The following LRRC51 variants were observed in gnomAD, a reference collection of about 807,000 sequenced individuals.
LRRC51 encodes leucine rich repeat containing 51, also known as leucine-rich repeat-containing protein 51.
In LRRC51, 8 loss-of-function variants were observed where a neutral mutation model predicts 17.8. The observed-to-expected ratio is 0.45, with a 90% CI of 0.26 to 0.81. LRRC51 has a LOEUF of 0.81. LRRC51 is among the 30% of genes least tolerant of loss of function. The pLI, the probability that LRRC51 is intolerant of heterozygous loss-of-function variation, is 0.17. For synonymous variants in LRRC51, 92 were observed against 96.0 expected (o/e 0.96, Z 0.24); for missense variants, 233 against 239.3 (o/e 0.97, Z 0.17).
In LRRC51 at chr11:72,096,609, G is replaced by A. The variant is rs182962277; in HGVS notation, c.*1089G>A. The A allele has an allele frequency of 1.2e-5, 18 of 1,482,104 alleles. No homozygotes were observed. Among genetic ancestry groups the A allele is most frequent in the African/African-American group, 1.4e-5 (1 of 70,398 alleles). The allele number at this position is 1,482,104 out of a possible 1,614,324, so 91.8% of individuals were successfully genotyped here. ...CCTGCTGGCCTGGGACACTGGAGACGTGGGTTTACCACACAGCCTTGGGAA... is the reference window on the plus strand; with the variant it reads ...CCTGCTGGCCTGGGACACTGGAGACATGGGTTTACCACACAGCCTTGGGAA... On this transcript the variant is annotated 3_prime_UTR_variant, in exon 6 of 6. Transcript: ENST00000289488.
intron 3 of LRRC51, among the ~76,000 whole-genome samples, chr11:72,090,750 C>G (rs1002942980): frequency 3.0e-4 from 46 of 152,204 alleles, no homozygotes; most frequent in Non-Finnish European, 2.5e-4. Flanking sequence ...CCCAGTTCCT[C>G]TAACTTTTCA....
intron 1 of LRRC51, chr11:72,086,282 T>C (rs1218167667): frequency 6.5e-6 from 4 of 617,562 alleles, no homozygotes; most frequent in Non-Finnish European, 1.2e-5. Flanking sequence ...CCACAATCAA[T>C]AGAAACTCAG....
intron 4 of LRRC51, 129 bp downstream of exon 4, chr11:72,093,830 T>C: frequency 2.2e-6 from 2 of 915,032 alleles, no homozygotes; most frequent in Non-Finnish European, 3.6e-6. Flanking sequence ...AGCACAAGGC[T>C]AGGGGGCCAG....
At chr11:72,094,583 T>C (rs1387676543) in intron 4 of LRRC51, 1 of 628,622 alleles carries the variant, frequency 1.6e-6, no homozygotes, top group East Asian at 2.7e-5. Context: ...TTTTAAAAGC[T>C]TCTTATGTGC....
intron 3 of LRRC51, among the ~76,000 whole-genome samples, chr11:72,090,144 G>T (rs1050977863): frequency 2.0e-5 from 3 of 152,190 alleles, no homozygotes; most frequent in Non-Finnish European, 4.4e-5. Context: ...ACTCACGTTT[G>T]TTCTCTCACG....
chr11:72,095,124 T>C, intron 5 of LRRC51, 28 bp downstream of exon 5: 1 of 1,610,664 alleles, frequency 6.2e-7, no homozygotes, highest in Non-Finnish European at 8.5e-7. Flanking sequence ...GGAGGTAGCG[T>C]CTAGCTGGGC....
Position 72,095,742 on chromosome 11 carries a change from G to T in LRRC51, c.*222G>T. 5.9e-6 allele frequency: 7 copies of T among 1,191,624 alleles called. No individual in the cohort carries two copies. Among genetic ancestry groups the T allele is most frequent in the Non-Finnish European group, 5.5e-6 (5 of 902,694 alleles). The allele number at this position is 1,191,624 out of a possible 1,614,324, so 73.8% of individuals were successfully genotyped here. A position where few individuals can be genotyped will look rare whatever the true frequency, so the allele number is the denominator to read the frequency against. Reference sequence around the variant, plus strand: ...GGCTGGAGTGCAGTGGCACGATCTTGGCTCACTGCAACCTCAGCCTCCCAG... The same window carrying T: ...GGCTGGAGTGCAGTGGCACGATCTTTGCTCACTGCAACCTCAGCCTCCCAG... On this transcript the variant is annotated 3_prime_UTR_variant, in exon 6 of 6. Coordinates refer to ENST00000289488, the MANE Select transcript of LRRC51 (RefSeq NM_145309.6).
At chr11:72,083,693 A>C (rs1011102908) in intron 1 of LRRC51, 1 of 152,190 alleles carries the variant, frequency 6.6e-6, no homozygotes, top group African/African-American at 2.4e-5. Flanking sequence ...TTGAGGATAA[A>C]GGTAGACTTC....
intron 1 of LRRC51, chr11:72,086,341 T>G: frequency 1.4e-6 from 1 of 694,338 alleles, no homozygotes; most frequent in South Asian, 1.5e-5. Context: ...TATCTTGGCT[T>G]CATTTCTTCT....
chr11:72,091,742 C>CT (rs1944875010), intron 3 of LRRC51, among the ~76,000 whole-genome samples: 6 of 152,182 alleles, frequency 3.9e-5, no homozygotes. Context: ...ATGCTAACTG[C>CT]TTATATCCAT....
At position 72,095,692 on chromosome 11, in the gene LRRC51, A is replaced by G. The variant is rs1164424135; in HGVS notation, c.*172A>G. On this transcript the variant is annotated 3_prime_UTR_variant, in exon 6 of 6. Transcript: ENST00000289488. ...TTTTCTTTTCTTTTTTTTTTTTTTG[A>G]GACGGAGTCTCACTCTGTCACACAG... The G allele has an allele frequency of 3.8e-6, 5 of 1,299,824 alleles. No homozygotes were observed. Among genetic ancestry groups the G allele is most frequent in the Admixed American group, 2.6e-5 (1 of 38,920 alleles). 80.5% of individuals were successfully genotyped at this position (1,299,824 alleles called of 1,614,324 possible).
intron 1 of LRRC51, chr11:72,086,375 CTCA>C (rs775259381): frequency 9.3e-5 from 65 of 701,234 alleles, no homozygotes; most frequent in Admixed American, 1.4e-4. Context: ...GCAGCAAGCA[CTCA>C]ACAAATGTTT....
Position 72,095,651 on chromosome 11 carries a change from G to A in LRRC51, c.*131G>A. The A allele has an allele frequency of 1.3e-6, 2 of 1,538,992 alleles. No homozygotes were observed. The highest frequency in any genetic ancestry group is 1.8e-6 in the Non-Finnish European group (2 of 1,141,696). On this transcript the variant is annotated 3_prime_UTR_variant, in exon 6 of 6. Transcript: ENST00000289488. ...GAGATGTTCTCTAACTCAGGCAACTGCAAGTAGCTCTAGCCTTTTCTTTTC... is the reference window on the plus strand; with the variant it reads ...GAGATGTTCTCTAACTCAGGCAACTACAAGTAGCTCTAGCCTTTTCTTTTC...
chr11:72,095,193 T>C lies in LRRC51; in HGVS notation c.437+97T>C, dbSNP rs144355097. 423 of 1,567,886 alleles carry C rather than the reference T, an allele frequency of 2.7e-4. 8 individuals carry two copies. In the East Asian group the frequency reaches 8.0e-3, roughly 30 times the overall value. The stretch of plus-strand genomic sequence containing the variant: ...ATCTACGACCATTCTTCTGCCATGC[T>C]TGGACCTGGGAAGGGAGTAACAGAC... On this transcript the variant is annotated intron_variant, in intron 5 of 5. Transcript: ENST00000289488.
chr11:72,096,278 A>G lies in LRRC51; in HGVS notation c.*758A>G, dbSNP rs188730051. ...CGGCTTCCCCCAGCTAATTTTTTAT[A>G]TTTTAGTAGAGACAAGGTTTCGCCA... On this transcript the variant is annotated 3_prime_UTR_variant, in exon 6 of 6. Coordinates refer to ENST00000289488, the MANE Select transcript of LRRC51 (RefSeq NM_145309.6). 1,223 of 156,586 alleles carry G rather than the reference A, an allele frequency of 7.8e-3. 12 individuals are homozygous for G. The highest frequency in any genetic ancestry group is 0.028 in the African/African-American group (1,165 of 41,566). The allele number at this position is 156,586 out of a possible 1,614,324, so 9.7% of individuals were successfully genotyped here.
At position 72,095,464 on chromosome 11, in the gene LRRC51, T is replaced by C. The variant is rs763533622; in HGVS notation, c.523T>C (p.Trp175Arg). 1.4e-5 allele frequency: 22 copies of C among 1,613,992 alleles called. No homozygotes were observed. Among genetic ancestry groups the C allele is most frequent in the Non-Finnish European group, 1.9e-5 (22 of 1,180,040 alleles). ...TKADRTTAEV[W>R]KRMNIKPKKA... Reference sequence around the variant, plus strand: ...AGCAGACCGCACCACAGCTGAAGTCTGGAAACGCATGAACATCAAGCCCAA... The same window carrying C: ...AGCAGACCGCACCACAGCTGAAGTCCGGAAACGCATGAACATCAAGCCCAA... Residue 175 changes from tryptophan (W) to arginine (R), a missense_variant, in exon 6 of 6, where the codon TGG becomes CGG. Transcript: ENST00000289488.
At chr11:72,092,096 A>G (rs940218389) in intron 3 of LRRC51, among the ~76,000 whole-genome samples, 2 of 152,126 alleles carry the variant, frequency 1.3e-5, no homozygotes, top group African/African-American at 4.8e-5. Flanking sequence ...TAACTTCTCT[A>G]ATGGATTCTT....
chr11:72,095,268 CTA>C (rs1279333374), intron 5 of LRRC51, 109 bp from the exon 6 acceptor site: 2 of 1,598,960 alleles, frequency 1.3e-6, no homozygotes, highest in African/African-American at 2.7e-5. Context: ...CTTTCCCAAA[CTA>C]TGCTCAAGTC....
At chr11:72,095,234 GCT>G (rs1945116588) in intron 5 of LRRC51, 138 bp downstream of exon 5, 1 of 1,565,778 alleles carries the variant, frequency 6.4e-7, no homozygotes, top group Non-Finnish European at 8.7e-7. Context: ...AGCATTCCTT[GCT>G]CTCAGTCAGG....
Sources: gnomAD v4.1 joint callset for allele counts (sites outside exome capture counted in the v4.1 genomes callset) on GRCh38, gnomAD v4.1.1 for gene constraint, MANE v1.5 for transcripts, NCBI Gene and HGNC (gene_info 2026-07-23, HGNC 2026-07-21) for gene names.